Variants in EVC observed in about 807,000 individuals in gnomAD.
EVC encodes the protein EvC ciliary complex subunit 1, also known as evC complex member EVC.
A neutral mutation model predicts 118.9 loss-of-function variants in EVC; 116 were observed. That is an observed-to-expected ratio of 0.98 (90% CI 0.84 to 1.14). The LOEUF is 1.14. Ranked by LOEUF, EVC falls within the 50% of genes most tolerant of loss-of-function variation. EVC has a pLI of 0.00. For synonymous variants in EVC, 619 were observed against 534.7 expected, an observed-to-expected ratio of 1.16 and a Z score of -2.18; for missense variants, 1,401 against 1,246.4, an observed-to-expected ratio of 1.12 and a Z score of -1.87.
intron 11 of EVC, among the ~76,000 whole-genome samples, chr4:5,772,634 A>C (rs1200057028): frequency 1.3e-5 from 2 of 152,016 alleles, no homozygotes; most frequent in African/African-American, 4.8e-5. Context: ...CTGACCCACA[A>C]GGTCTTCCTG....
Position 5,798,527 on chromosome 4 carries a change from G to A in EVC, c.2098-59G>A. 2.0e-6 allele frequency: 3 copies of A among 1,522,792 alleles called. No homozygotes were observed. The highest frequency in any genetic ancestry group is 2.7e-6 in the Non-Finnish European group (3 of 1,123,234). 94.3% of individuals were successfully genotyped at this position (1,522,792 alleles called of 1,614,324 possible). On this transcript the variant is annotated intron_variant, in intron 14 of 20. Coordinates refer to ENST00000264956, the MANE Select transcript of EVC (RefSeq NM_153717.3). The surrounding 1 kb of genome is among the most constrained non-coding windows in gnomAD (Gnocchi z 4.1). Reference sequence around the variant, plus strand: ...GGACCAGCCCCACATCCCAGTCCTGGCCAGAGCTTCTCTGTGAGAGGAGCA... The same window carrying A: ...GGACCAGCCCCACATCCCAGTCCTGACCAGAGCTTCTCTGTGAGAGGAGCA...
chr4:5,716,612 G>T (rs1724003711), intron 1 of EVC, among the ~76,000 whole-genome samples: 1 of 152,114 alleles, frequency 6.6e-6, no homozygotes, highest in Non-Finnish European at 1.5e-5. Flanking sequence ...ACAACTCAGG[G>T]ACATATGTTA....
In EVC at chr4:5,731,334, G is replaced by A. The variant is rs143224747; in HGVS notation, c.385-91G>A. The A allele has an allele frequency of 5.1e-5, 57 of 1,109,902 alleles. No homozygotes were observed. The highest frequency in any genetic ancestry group is 4.6e-4 in the African/African-American group (30 of 65,124). The allele number at this position is 1,109,902 out of a possible 1,614,324, so 68.8% of individuals were successfully genotyped here. A position where few individuals can be genotyped will look rare whatever the true frequency, so the allele number is the denominator to read the frequency against. On this transcript the variant is annotated intron_variant, in intron 3 of 20. Transcript: ENST00000264956. The surrounding 1 kb of genome is among the most constrained non-coding windows in gnomAD (Gnocchi z 5.6). ...CCTCCAGGCAGACCTTCCTGTGAGC[G>A]GCTAGCGTGAATCACTGGTAGAATT...
intron 5 of EVC, among the ~76,000 whole-genome samples, chr4:5,734,485 AAAACAAAC>A (rs74789594): frequency 2.6e-5 from 4 of 152,064 alleles, no homozygotes; most frequent in East Asian, 3.9e-4. Flanking sequence ...ACCAAAAACA[AAAACAAAC>A]AAACAAACAA....
intron 15 of EVC, among the ~76,000 whole-genome samples, chr4:5,801,369 A>G (rs1488901295): frequency 6.6e-6 from 1 of 152,146 alleles, no homozygotes; most frequent in East Asian, 1.9e-4. Context: ...CTGGTCCTCC[A>G]CCTTAATGTT....
At chr4:5,770,038 C>T (rs1468107702) in intron 11 of EVC, among the ~76,000 whole-genome samples, 1 of 152,076 alleles carries the variant, frequency 6.6e-6, no homozygotes, top group Non-Finnish European at 1.5e-5. Context: ...AGACTAAAGT[C>T]AGCCAAGGGA....
intron 11 of EVC, among the ~76,000 whole-genome samples, chr4:5,767,177 G>C (rs940370340): frequency 3.9e-5 from 6 of 152,030 alleles, no homozygotes; most frequent in African/African-American, 1.2e-4. Flanking sequence ...GTGTCAGTCT[G>C]CCTGGGCTGG....
chr4:5,787,773 G>C (rs984494833), intron 12 of EVC, among the ~76,000 whole-genome samples: 8 of 152,252 alleles, frequency 5.3e-5, no homozygotes, highest in Non-Finnish European at 1.2e-4. Context: ...AGTGCTAGAG[G>C]CAGTCTGTCT....
At chr4:5,727,072 T>G (rs889855432) in intron 2 of EVC, among the ~76,000 whole-genome samples, 3 of 152,154 alleles carry the variant, frequency 2.0e-5, no homozygotes, top group African/African-American at 7.2e-5. Flanking sequence ...TTTATAGTCC[T>G]TTGGGTATAT....
intron 2 of EVC, among the ~76,000 whole-genome samples, chr4:5,728,863 A>C (rs1726298112): frequency 6.6e-6 from 1 of 152,244 alleles, no homozygotes; most frequent in Non-Finnish European, 1.5e-5. Flanking sequence ...TATTTCTTCC[A>C]AAGCTGAAGA....
chr4:5,729,628 C>CAGCT (rs981843041), intron 3 of EVC, among the ~76,000 whole-genome samples: 1 of 152,106 alleles, frequency 6.6e-6, no homozygotes, highest in Non-Finnish European at 1.5e-5. Flanking sequence ...CACAGTAGGA[C>CAGCT]AGCTCCCTCT....
intron 11 of EVC, among the ~76,000 whole-genome samples, chr4:5,771,328 G>A (rs6446395): frequency 0.6 from 90,492 of 151,856 alleles, 27,929 homozygotes; most frequent in African/African-American, 0.74. Context: ...CTTCAGGGCC[G>A]GCTACTCCTG....
chr4:5,817,306 G>A (rs73079513), downstream of EVC, among the ~76,000 whole-genome samples: 2,045 of 152,296 alleles, frequency 0.013, 57 homozygotes, highest in African/African-American at 0.046. Flanking sequence ...AGCTACCCAC[G>A]TGGTGTTTGG....
At chr4:5,804,506 G>C (rs957441668) in intron 16 of EVC, among the ~76,000 whole-genome samples, 1 of 152,186 alleles carries the variant, frequency 6.6e-6, no homozygotes, top group African/African-American at 2.4e-5. Context: ...AGCTACAGGT[G>C]GAGCAGGTGG....
chr4:5,760,799 G>A (rs1056073410), intron 11 of EVC, among the ~76,000 whole-genome samples: 4 of 152,128 alleles, frequency 2.6e-5, no homozygotes, highest in African/African-American at 4.8e-5. Flanking sequence ...TGATCCACTC[G>A]CCTTGGCCTC....
chr4:5,773,828 CAG>C (rs1438133205), intron 11 of EVC, among the ~76,000 whole-genome samples: 1 of 152,104 alleles, frequency 6.6e-6, no homozygotes, highest in African/African-American at 2.4e-5. Flanking sequence ...ACCCACTTGT[CAG>C]GGGAACTGGA....
At chr4:5,771,371 G>C (rs1733928066) in intron 11 of EVC, among the ~76,000 whole-genome samples, 1 of 152,090 alleles carries the variant, frequency 6.6e-6, no homozygotes, top group East Asian at 1.9e-4. Context: ...TTCTCTGACT[G>C]TGACCCTCCT....
At chr4:5,762,432 G>C (rs558835004) in intron 11 of EVC, among the ~76,000 whole-genome samples, 1 of 130,340 alleles carries the variant, frequency 7.7e-6, no homozygotes, top group Non-Finnish European at 1.6e-5. Context: ...TGGGATGGCT[G>C]GGTCAAATGG....
intron 13 of EVC, among the ~76,000 whole-genome samples, chr4:5,795,184 A>C (rs1041502003): frequency 8.5e-5 from 13 of 152,354 alleles, no homozygotes; most frequent in Middle Eastern, 3.4e-3. Context: ...ATAGCACTGC[A>C]ATGAACATAT....
Sources: gnomAD v4.1 joint callset for allele counts (sites outside exome capture counted in the v4.1 genomes callset) on GRCh38, gnomAD v4.1.1 for gene constraint, Gnocchi (gnomAD v3.1) non-coding constraint, MANE v1.5 for transcripts, NCBI Gene and HGNC (gene_info 2026-07-23, HGNC 2026-07-21) for gene names.